The following PDZD2 variants were observed in gnomAD, a reference collection of about 807,000 sequenced individuals.
PDZD2 encodes PDZ domain-containing protein 2.
A neutral mutation model predicts 220.7 loss-of-function variants in PDZD2; 90 were observed. The observed-to-expected ratio is 0.41, with a 90% CI of 0.34 to 0.49. PDZD2 has a LOEUF of 0.49. Ranked by LOEUF, PDZD2 falls within the 20% of genes least tolerant of loss-of-function variation. The pLI is 0.28. For synonymous variants in PDZD2, 1,375 were observed against 1,450.5 expected (o/e 0.95, Z 1.18); for missense variants, 3,174 against 3,608.5 (o/e 0.88, Z 3.08).
chr5:31,890,400 C>A (rs1267130685), intron 2 of PDZD2, among the ~76,000 whole-genome samples: 1 of 152,150 alleles, frequency 6.6e-6, no homozygotes. Context: ...CAAAATAACT[C>A]TTTAACCCCC....
intron 7 of PDZD2, among the ~76,000 whole-genome samples, chr5:32,039,858 G>C (rs1295243965): frequency 6.7e-6 from 1 of 149,790 alleles, no homozygotes; most frequent in Non-Finnish European, 1.5e-5. Flanking sequence ...GAGCGCCTCT[G>C]CCCGGCTGCC....
intron 2 of PDZD2, among the ~76,000 whole-genome samples, chr5:31,982,534 C>G (rs6450885): frequency 0.29 from 44,606 of 152,084 alleles, 6,825 homozygotes; most frequent in Middle Eastern, 0.39. Context: ...TCTCAAACCC[C>G]TGGACTCAAG....
chr5:32,092,933 G>C lies in PDZD2; in HGVS notation c.7754G>C (p.Gly2585Ala). The C allele has an allele frequency of 6.3e-7, 1 of 1,594,142 alleles. No individual in the cohort carries two copies. ...VNLDQLLVSA[G>A]DQQRLQSVLS... ...TTGGATCAACTTCTAGTCTCAGCGGGGGACCAGCAAAGATTACAGTCTGTT... is the reference window on the plus strand; with the variant it reads ...TTGGATCAACTTCTAGTCTCAGCGGCGGACCAGCAAAGATTACAGTCTGTT... The change falls in exon 21 of 25, where the codon GGG becomes GCG. Residue 2585 changes from glycine (G) to alanine (A), a missense_variant. Physicochemically the swap from Gly to Ala is moderately conservative, Grantham distance 60. Transcript: ENST00000438447.
intron 2 of PDZD2, among the ~76,000 whole-genome samples, chr5:31,885,814 C>T (rs1740408650): frequency 6.6e-6 from 1 of 151,916 alleles, no homozygotes; most frequent in South Asian, 2.1e-4. Flanking sequence ...AACCAGAAAA[C>T]AGCAATTATC....
chr5:32,011,718 G>A (rs999673827), intron 6 of PDZD2, among the ~76,000 whole-genome samples: 1 of 152,068 alleles, frequency 6.6e-6, no homozygotes, highest in African/African-American at 2.4e-5. Context: ...GCTTTGCTTA[G>A]AATAAGGCCT....
intron 1 of PDZD2, among the ~76,000 whole-genome samples, chr5:31,694,402 CAAAA>C (rs1554063832): frequency 1.3e-5 from 2 of 151,508 alleles, no homozygotes; most frequent in Admixed American, 1.3e-4. Flanking sequence ...AAAAAACAAA[CAAAA>C]AAACAAAAAA....
Position 32,089,406 on chromosome 5 carries a change from G to C in PDZD2, c.5958G>C (p.Leu1986=). The C allele has an allele frequency of 6.2e-7, 1 of 1,614,000 alleles. No individual in the cohort carries two copies. The highest frequency in any genetic ancestry group is 2.2e-5 in the East Asian group (1 of 44,868). The part of the protein sequence containing the change: ...DTSIRTFVSP[L]TSPKPVPEQG... The stretch of plus-strand genomic sequence containing the variant: ...GCATCAGGACATTTGTCTCGCCCCT[G>C]ACCTCTCCCAAGCCTGTTCCTGAGC... The change falls in exon 20 of 25, where the codon CTG becomes CTC. Residue 1986 remains leucine (L), a synonymous_variant. Coordinates refer to ENST00000438447, the MANE Select transcript of PDZD2 (RefSeq NM_178140.4).
At chr5:32,058,954 G>A (rs1739407057) in intron 12 of PDZD2, among the ~76,000 whole-genome samples, 1 of 152,166 alleles carries the variant, frequency 6.6e-6, no homozygotes, top group African/African-American at 2.4e-5. Context: ...CTTATAGCCT[G>A]CCTATTTCTA....
chr5:31,734,513 T>G (rs1383453226), intron 1 of PDZD2, among the ~76,000 whole-genome samples: 1 of 152,114 alleles, frequency 6.6e-6, no homozygotes. Flanking sequence ...GGGACAGGGT[T>G]TCACCATGTT....
In PDZD2 at chr5:32,089,563, G is replaced by T; in HGVS notation, c.6115G>T (p.Ala2039Ser). 6.2e-7 allele frequency: 1 copy of T among 1,612,166 alleles called. No individual in the cohort carries two copies. Among genetic ancestry groups the T allele is most frequent in the Non-Finnish European group, 8.5e-7 (1 of 1,180,026 alleles). ...TGCTGACTCCGGGCCGGTGAGTCCG[G>T]CAGCGTCTAGGAACGGCATGTCCGT... ...PRADSGPVSPAASRNGMSVAG... is the reference protein window; with the variant it reads ...PRADSGPVSPSASRNGMSVAG... The change falls in exon 20 of 25, where the codon GCA (alanine) becomes TCA (serine). Residue 2039 changes from alanine to serine, a missense_variant. This residue lies in a region of PDZD2 where 1,861 missense variants were observed against 2,001.0 expected (regional missense o/e 0.93). Transcript: ENST00000438447.
intron 2 of PDZD2, among the ~76,000 whole-genome samples, chr5:31,972,646 C>CA (rs1430992492): frequency 6.6e-6 from 1 of 152,104 alleles, no homozygotes; most frequent in Non-Finnish European, 1.5e-5. Context: ...TTGTAATGAA[C>CA]AACTAGTAAT....
chr5:31,936,354 G>A (rs528919458), intron 2 of PDZD2: 61 of 986,702 alleles, frequency 6.2e-5, no homozygotes, highest in African/African-American at 3.1e-4. Flanking sequence ...CAGGTAGGAC[G>A]GGAGACCTGA....
At chr5:31,942,630 C>T (rs549392650) in intron 2 of PDZD2, among the ~76,000 whole-genome samples, 6 of 152,318 alleles carry the variant, frequency 3.9e-5, no homozygotes, top group African/African-American at 7.2e-5. Flanking sequence ...CCACTGCACC[C>T]GGCCAAACAA....
intron 2 of PDZD2, among the ~76,000 whole-genome samples, chr5:31,886,125 C>G (rs1389015650): frequency 6.6e-6 from 1 of 152,096 alleles, no homozygotes; most frequent in African/African-American, 2.4e-5. Flanking sequence ...TCTGTAACTC[C>G]TGACCTTAGT....
chr5:31,649,887 G>A (rs1170835889), intron 1 of PDZD2, among the ~76,000 whole-genome samples: 3 of 123,416 alleles, frequency 2.4e-5, no homozygotes, highest in Non-Finnish European at 3.2e-5. Context: ...GCAGTAAGCC[G>A]AGATCACACC....
rs1285880716 is a variant in PDZD2, at chr5:31,866,162, C to T, written c.476+66438C>T. 2.0e-5 allele frequency among the ~76,000 whole-genome samples: 3 copies of T among 151,890 alleles called. No individual in the cohort carries two copies. The East Asian group carries it at 5.9e-4, about 30-fold the overall frequency. ...TGCAGGCGGGGGCCGTCACACCTGG[C>T]TAATTTTTGTCTTTTTTATGAAGAT... On this transcript the variant is annotated intron_variant, in intron 2 of 24. Coordinates refer to ENST00000438447, the MANE Select transcript of PDZD2 (RefSeq NM_178140.4).
intron 1 of PDZD2, chr5:31,712,122 T>C (rs1399284359): frequency 6.6e-6 from 1 of 152,248 alleles, no homozygotes; most frequent in Admixed American, 6.6e-5. Context: ...GGGATCAGGG[T>C]AAGAACCCAG....
At chr5:31,915,739 G>C (rs1581068335) in intron 2 of PDZD2, among the ~76,000 whole-genome samples, 1 of 152,052 alleles carries the variant, frequency 6.6e-6, no homozygotes, top group East Asian at 1.9e-4. Context: ...GTCTGTTTTT[G>C]AAAAACAGAT....
intron 6 of PDZD2, among the ~76,000 whole-genome samples, chr5:32,024,876 C>A (rs1424334883): frequency 1.3e-5 from 2 of 152,124 alleles, no homozygotes; most frequent in African/African-American, 4.8e-5. Flanking sequence ...TTGAAAGCAG[C>A]CATAAACAAT....
Sources: allele counts gnomAD v4.1 joint callset (sites outside exome capture counted in the v4.1 genomes callset), GRCh38; gene constraint gnomAD v4.1.1; regional missense constraint gnomAD v4.1.1; transcripts MANE v1.5; gene names NCBI Gene and HGNC (gene_info 2026-07-23, HGNC 2026-07-21).